Variants in SORCS2 observed in about 807,000 individuals in gnomAD.
SORCS2 encodes sortilin related VPS10 domain containing receptor 2, also known as VPS10 domain-containing receptor SorCS2.
Under a neutral mutation model 141.6 loss-of-function variants are expected in SORCS2, and 100 were observed. That is an observed-to-expected ratio of 0.71 (90% CI 0.60 to 0.83). The LOEUF is 0.83. SORCS2 is among the 40% of genes least tolerant of loss of function. The pLI is 0.00. For missense variants in SORCS2, 1,646 were observed against 1,560.2 expected, an observed-to-expected ratio of 1.05 and a Z score of -0.93; for synonymous variants, 789 against 676.9, an observed-to-expected ratio of 1.17 and a Z score of -2.57.
chr4:7,341,879 G>T (rs1162388193), intron 1 of SORCS2, among the ~76,000 whole-genome samples: 2 of 152,162 alleles, frequency 1.3e-5, no homozygotes, highest in Non-Finnish European at 2.9e-5. Context: ...GTCCCTGGCA[G>T]CCACCAAGCT....
chr4:7,239,659 G>C (rs114048388), intron 1 of SORCS2, among the ~76,000 whole-genome samples: 24 of 152,342 alleles, frequency 1.6e-4, no homozygotes, highest in South Asian at 1.4e-3. Flanking sequence ...GGCGAGTCTC[G>C]CACTTGGCCC....
chr4:7,724,468 A>ATGGTGATGGTGGTGATGGTGGTGGTGG (rs1726917194), intron 19 of SORCS2, among the ~76,000 whole-genome samples: 9 of 31,188 alleles, frequency 2.9e-4, no homozygotes, highest in Non-Finnish European at 1.8e-4. Context: ...GGTGGTGGTG[A>ATGGTGATGGTGGTGATGGTGGTGGTGG]TGGTGATGGT....
intron 1 of SORCS2, among the ~76,000 whole-genome samples, chr4:7,385,977 T>A (rs1008168065): frequency 6.6e-6 from 1 of 152,210 alleles, no homozygotes; most frequent in Non-Finnish European, 1.5e-5. Flanking sequence ...CCTCATGTTT[T>A]GGAGGCCAGA....
At chr4:7,652,084 C>T (rs1456603144) in intron 4 of SORCS2, among the ~76,000 whole-genome samples, 2 of 152,164 alleles carry the variant, frequency 1.3e-5, no homozygotes, top group Non-Finnish European at 2.9e-5. Flanking sequence ...CTATGAAGTC[C>T]CACCCCCTGG....
chr4:7,396,382 C>G, intron 2 of SORCS2, 27 bp downstream of exon 2: 1 of 1,611,506 alleles, frequency 6.2e-7, no homozygotes, highest in East Asian at 2.2e-5. Flanking sequence ...GCAGGCCTTT[C>G]TCTTATGCAC....
chr4:7,370,624 T>C lies in SORCS2; in HGVS notation c.481-25664T>C, dbSNP rs1457521270. The stretch of plus-strand genomic sequence containing the variant: ...AGAGAAATAACGTTGCCCATCATCC[T>C]TGTGGGGCTCTTCCCCTGGCGCGGC... On this transcript the variant is annotated intron_variant, in intron 1 of 26. Transcript: ENST00000507866. Among the ~76,000 whole-genome samples the C allele has an allele frequency of 2.0e-5, 3 of 152,366 alleles. No homozygotes were observed. The East Asian group carries it at 5.8e-4, about 29-fold the overall frequency.
chr4:7,737,040 G>C lies in SORCS2; in HGVS notation c.3312-29G>C. 3 of 1,550,008 alleles carry C rather than the reference G, an allele frequency of 1.9e-6. No homozygotes were observed. The East Asian group carries it at 7.3e-5, about 38-fold the overall frequency. ...CAGGCGGCCTGGGAAGCCCCTCCAA[G>C]CTGAGCCGCCCTTGCCTCTGTCCAG... On this transcript the variant is annotated intron_variant, in intron 25 of 26. Coordinates refer to ENST00000507866, the MANE Select transcript of SORCS2 (RefSeq NM_020777.3).
intron 1 of SORCS2, among the ~76,000 whole-genome samples, chr4:7,382,979 G>A (rs796149474): frequency 3.5e-4 from 53 of 152,230 alleles, no homozygotes; most frequent in African/African-American, 1.2e-3. Context: ...ATGAAGATAT[G>A]CTATTTTTTA....
At chr4:7,556,161 A>G (rs1370531146) in intron 3 of SORCS2, among the ~76,000 whole-genome samples, 3 of 152,194 alleles carry the variant, frequency 2.0e-5, no homozygotes, top group African/African-American at 7.2e-5. Flanking sequence ...GCCACCATCC[A>G]GGTGAGGGGT....
chr4:7,446,110 G>A (rs2109273087), intron 2 of SORCS2, among the ~76,000 whole-genome samples: 1 of 149,168 alleles, frequency 6.7e-6, no homozygotes, highest in East Asian at 2.0e-4. Flanking sequence ...CCTTTTGGTT[G>A]AGCTTAAAGC....
chr4:7,555,601 G>T (rs989987222), intron 3 of SORCS2, among the ~76,000 whole-genome samples: 8 of 152,232 alleles, frequency 5.3e-5, no homozygotes, highest in African/African-American at 1.7e-4. Flanking sequence ...AACAGACATA[G>T]CCCCTGCTCT....
intron 3 of SORCS2, among the ~76,000 whole-genome samples, chr4:7,611,319 G>A (rs757888701): frequency 2.6e-5 from 4 of 152,204 alleles, no homozygotes; most frequent in Non-Finnish European, 4.4e-5. Context: ...AAGCCAGAGA[G>A]ACCAGGCTCA....
chr4:7,491,071 TG>T (rs1731289091), intron 2 of SORCS2, among the ~76,000 whole-genome samples: 1 of 152,158 alleles, frequency 6.6e-6, no homozygotes, highest in African/African-American at 2.4e-5. Context: ...TGCCTTCCCT[TG>T]GGACATAAAC....
intron 2 of SORCS2, among the ~76,000 whole-genome samples, chr4:7,526,317 A>G (rs1367611967): frequency 6.6e-6 from 1 of 152,248 alleles, no homozygotes; most frequent in Non-Finnish European, 1.5e-5. Flanking sequence ...GTCTTTCTAA[A>G]TGTTCTAGTG....
intron 3 of SORCS2, among the ~76,000 whole-genome samples, chr4:7,599,660 G>A (rs1016650921): frequency 5.3e-5 from 8 of 152,184 alleles, no homozygotes; most frequent in South Asian, 2.1e-4. Context: ...CTGGCACAGC[G>A]GGGGCAGGTC....
chr4:7,226,988 G>A (rs377541804), intron 1 of SORCS2, among the ~76,000 whole-genome samples: 20 of 152,222 alleles, frequency 1.3e-4, no homozygotes, highest in South Asian at 1.2e-3. Context: ...TGGTGCCACC[G>A]CGGTAGCAGC....
At chr4:7,326,956 C>T (rs1214065710) in intron 1 of SORCS2, among the ~76,000 whole-genome samples, 2 of 152,208 alleles carry the variant, frequency 1.3e-5, no homozygotes, top group African/African-American at 2.4e-5. Context: ...TCCTGTTGTC[C>T]CCTGGTCACC....
chr4:7,226,617 G>A (rs1360686553), intron 1 of SORCS2, among the ~76,000 whole-genome samples: 1 of 152,106 alleles, frequency 6.6e-6, no homozygotes, highest in Non-Finnish European at 1.5e-5. Flanking sequence ...CCCTTCCCCC[G>A]AGGCCACTAA....
chr4:7,265,135 C>T (rs1391809920), intron 1 of SORCS2, among the ~76,000 whole-genome samples: 1 of 152,232 alleles, frequency 6.6e-6, no homozygotes, highest in East Asian at 1.9e-4. Context: ...CTAAGGACCA[C>T]AGACTGGGTG....
Sources: gnomAD v4.1 joint callset for allele counts (sites outside exome capture counted in the v4.1 genomes callset) on GRCh38, gnomAD v4.1.1 for gene constraint, MANE v1.5 for transcripts, NCBI Gene and HGNC (gene_info 2026-07-23, HGNC 2026-07-21) for gene names.